Variants in VPS50 observed in about 807,000 individuals in gnomAD.
The protein encoded by VPS50 is VPS50 subunit of EARP/GARPII complex.
VPS50 carries 70 observed loss-of-function variants against 139.7 expected under a neutral mutation model. That is an observed-to-expected ratio of 0.50 (90% CI 0.41 to 0.61). The LOEUF (loss-of-function observed/expected upper bound fraction) is 0.61. VPS50 is among the 20% of genes least tolerant of loss of function. The pLI is 0.00. For synonymous variants in VPS50, 365 were observed against 376.7 expected (o/e 0.97, Z 0.36); for missense variants, 921 against 1,133.7 (o/e 0.81, Z 2.69).
At chr7:93,288,995 C>G (rs963500755) in intron 12 of VPS50, among the ~76,000 whole-genome samples, 3 of 151,948 alleles carry the variant, frequency 2.0e-5, no homozygotes, top group African/African-American at 7.3e-5. Flanking sequence ...AGTACATTGG[C>G]AGCCTTGAGT....
chr7:93,349,181 G>A (rs1263993783), intron 24 of VPS50, among the ~76,000 whole-genome samples: 1 of 152,174 alleles, frequency 6.6e-6, no homozygotes, highest in African/African-American at 2.4e-5. Flanking sequence ...GACCAGCAGG[G>A]TAGAGAGGGT....
In VPS50 at chr7:93,348,737, TCCTTCAG is replaced by T. The variant is rs1798474170; in HGVS notation, c.2237_2243del (p.Leu746HisfsTer6). 1 of 1,613,022 alleles carries T rather than the reference TCCTTCAG, an allele frequency of 6.2e-7. No homozygotes were observed. The highest frequency in any genetic ancestry group is 8.5e-7 in the Non-Finnish European group (1 of 1,179,162). On this transcript the variant is annotated frameshift_variant, in exon 24 of 28. Transcript: ENST00000305866. LOFTEE classifies it high-confidence loss of function. ...GTATTCTTGGCTGAACAGTTTGAGT[TCCTTCAG>T]CCACATCTGGATGCTGTGATGCCTG...
chr7:93,234,628 T>A (rs550054444), intron 1 of VPS50, among the ~76,000 whole-genome samples: 1 of 152,324 alleles, frequency 6.6e-6, no homozygotes, highest in East Asian at 1.9e-4. Context: ...TATTATTGGG[T>A]TAAATTTAAT....
At chr7:93,297,113 T>A (rs1169065785) in intron 15 of VPS50, 32 bp from the exon 16 acceptor site, 1 of 1,544,620 alleles carries the variant, frequency 6.5e-7, no homozygotes, top group African/African-American at 1.4e-5. Flanking sequence ...AGGCTGCTGC[T>A]GAAATTTACT....
intron 21 of VPS50, among the ~76,000 whole-genome samples, chr7:93,325,609 A>C (rs182190801): frequency 1.7e-3 from 249 of 149,914 alleles, no homozygotes; most frequent in Non-Finnish European, 2.4e-3. Flanking sequence ...TGCAAGAAAA[A>C]AACAACCCCA....
At chr7:93,259,671 C>T (rs776546133) in intron 9 of VPS50, 39 bp downstream of exon 9, 3 of 1,027,920 alleles carry the variant, frequency 2.9e-6, no homozygotes, top group Middle Eastern at 2.0e-4. Flanking sequence ...ATTCTGTTGT[C>T]AGCTTCTTAT....
intron 20 of VPS50, chr7:93,320,762 A>ATGG (rs1797591757): frequency 6.6e-6 from 1 of 152,414 alleles, no homozygotes; most frequent in African/African-American, 2.4e-5. Context: ...GGAGAGGGGA[A>ATGG]TGGTGGTGGT....
At chr7:93,233,741 T>A (rs1250420049) in intron 1 of VPS50, among the ~76,000 whole-genome samples, 1 of 152,248 alleles carries the variant, frequency 6.6e-6, no homozygotes, top group Non-Finnish European at 1.5e-5. Context: ...TGGGTCCTGC[T>A]GTATCCTGTG....
chr7:93,263,054 C>A (rs142547704), intron 9 of VPS50, among the ~76,000 whole-genome samples: 5 of 148,148 alleles, frequency 3.4e-5, no homozygotes, highest in Non-Finnish European at 7.5e-5. Context: ...TTTTTCTGTG[C>A]GTTTTTCTTT....
chr7:93,316,364 G>A (rs148115491), intron 20 of VPS50, among the ~76,000 whole-genome samples: 245 of 152,286 alleles, frequency 1.6e-3, no homozygotes, highest in African/African-American at 5.6e-3. Context: ...CAGCAGATTT[G>A]CTGTTTTTAA....
intron 22 of VPS50, among the ~76,000 whole-genome samples, chr7:93,336,931 C>T (rs551555656): frequency 1.3e-5 from 2 of 152,148 alleles, no homozygotes; most frequent in South Asian, 4.1e-4. Context: ...AAAAATGTGA[C>T]TCTCACTGTG....
At chr7:93,296,673 G>A (rs1439499705) in intron 14 of VPS50, 69 bp from the exon 15 acceptor site, 8 of 1,552,670 alleles carry the variant, frequency 5.2e-6, no homozygotes, top group Admixed American at 2.0e-5. Context: ...GAACTATAGA[G>A]TAAATGCTTC....
chr7:93,350,991 G>A (rs1798540244), intron 25 of VPS50, among the ~76,000 whole-genome samples: 1 of 152,110 alleles, frequency 6.6e-6, no homozygotes, highest in South Asian at 2.1e-4. Flanking sequence ...TAAGAGCCTA[G>A]GACAGCTGAG....
chr7:93,342,410 C>A (rs991949148), intron 23 of VPS50, among the ~76,000 whole-genome samples: 1 of 152,216 alleles, frequency 6.6e-6, no homozygotes, highest in Non-Finnish European at 1.5e-5. Context: ...GAGGGGCACC[C>A]GCCATTGCCC....
In VPS50 at chr7:93,311,182, C is replaced by G. The variant is rs902967499; in HGVS notation, c.1765C>G (p.Leu589Val). 1 of 1,321,468 alleles carries G rather than the reference C, an allele frequency of 7.6e-7. No individual in the cohort carries two copies. Among genetic ancestry groups the G allele is most frequent in the Non-Finnish European group, 1.1e-6 (1 of 913,520 alleles). 81.9% of individuals were successfully genotyped at this position (1,321,468 alleles called of 1,614,324 possible). ...GPVKSVSRET[L>V]KSRKKSDYSL... is the part of the protein sequence containing the mutation. ...CATATCAAGTGTTTCTCGGGAAACT[C>G]TAAAAAGCAGGAAGAAATCAGATTA... Residue 589 changes from leucine to valine, a missense_variant, in exon 20 of 28, where the codon CTA (leucine) becomes GTA (valine). By Grantham distance (32) the Leu-to-Val change is conservative (BLOSUM62 1). Coordinates refer to ENST00000305866, the MANE Select transcript of VPS50 (RefSeq NM_017667.4).
chr7:93,262,410 T>A (rs769368785), intron 9 of VPS50, among the ~76,000 whole-genome samples: 10 of 152,170 alleles, frequency 6.6e-5, no homozygotes, highest in Admixed American at 2.6e-4. Context: ...GGAGGAGGTG[T>A]GGCTACAGTT....
At chr7:93,294,242 G>A (rs1330420849) in intron 13 of VPS50, among the ~76,000 whole-genome samples, 1 of 152,066 alleles carries the variant, frequency 6.6e-6, no homozygotes, top group Non-Finnish European at 1.5e-5. Flanking sequence ...TGGTCTTGCA[G>A]TAGGCAGTAT....
chr7:93,347,831 TG>T lies in VPS50; in HGVS notation c.2208-874del, dbSNP rs1562899520. On this transcript the variant is annotated intron_variant, in intron 23 of 27. Transcript: ENST00000305866. Reference sequence around the variant, plus strand: ...TCACACTCTGGGGACTGTTGTGGGGTGGGGGGAGGGGGGAGGGATAGCACTG... The same window carrying T: ...TCACACTCTGGGGACTGTTGTGGGGTGGGGGAGGGGGGAGGGATAGCACTG... 1.8e-4 allele frequency among the ~76,000 whole-genome samples: 13 copies of T among 70,708 alleles called. No individual in the cohort carries two copies. In the South Asian group the frequency reaches 6.7e-3, roughly 36 times the overall value. 46.4% of individuals were successfully genotyped at this position (70,708 alleles called of 152,430 possible). A position where few individuals can be genotyped will look rare whatever the true frequency, so the allele number is the denominator to read the frequency against.
At chr7:93,348,571 C>A in intron 23 of VPS50, 140 bp from the exon 24 acceptor site, 1 of 599,378 alleles carries the variant, frequency 1.7e-6, no homozygotes, top group Non-Finnish European at 3.0e-6. Context: ...AGTGGTAGTA[C>A]AGGTTCGTCC....
Sources: gnomAD v4.1 joint callset for allele counts (sites outside exome capture counted in the v4.1 genomes callset) on GRCh38, gnomAD v4.1.1 for gene constraint, MANE v1.5 for transcripts, NCBI Gene and HGNC (gene_info 2026-07-23, HGNC 2026-07-21) for gene names.